Variants in NALCN observed in about 807,000 individuals in gnomAD.
NALCN encodes sodium leak channel, non-selective, also known as sodium leak channel NALCN.
In NALCN, 111 loss-of-function variants were observed where a neutral mutation model predicts 225.3. The ratio of observed to expected loss-of-function variants is 0.49; its 90% CI spans 0.42 to 0.58. The LOEUF (loss-of-function observed/expected upper bound fraction) is 0.58. Ranked by LOEUF, NALCN falls within the 20% of genes least tolerant of loss-of-function variation. The probability of loss-of-function intolerance (pLI) is 0.00; values close to 1 mark genes in which losing one functional copy is unlikely to be tolerated. For synonymous variants in NALCN, 764 were observed against 769.0 expected, an observed-to-expected ratio of 0.99 and a Z score of 0.11; for missense variants, 1,378 against 2,202.4, an observed-to-expected ratio of 0.63 and a Z score of 7.49.
intron 11 of NALCN, among the ~76,000 whole-genome samples, chr13:101,244,330 A>T (rs977413476): frequency 8.5e-5 from 13 of 152,210 alleles, no homozygotes; most frequent in African/African-American, 3.1e-4. Flanking sequence ...GATGGAATGA[A>T]CTGTTTAAAT....
chr13:101,245,511 A>G (rs2041868285), intron 11 of NALCN, among the ~76,000 whole-genome samples: 2 of 151,994 alleles, frequency 1.3e-5, no homozygotes, highest in African/African-American at 4.8e-5. Flanking sequence ...TACATACTCT[A>G]CTTTGGTTAT....
At chr13:101,338,666 C>T (rs934397390) in intron 7 of NALCN, among the ~76,000 whole-genome samples, 9 of 152,180 alleles carry the variant, frequency 5.9e-5, no homozygotes, top group African/African-American at 1.7e-4. Flanking sequence ...TTTTGTGTTG[C>T]TTTCTTTCTA....
intron 6 of NALCN, among the ~76,000 whole-genome samples, chr13:101,360,145 TTTTTTTC>T (rs2046198233): frequency 6.8e-6 from 1 of 148,056 alleles, no homozygotes; most frequent in African/African-American, 2.6e-5. Flanking sequence ...TCTTTCTCTC[TTTTTTTC>T]TTTCTTTCTT....
At chr13:101,346,670 G>T (rs979402436) in intron 6 of NALCN, among the ~76,000 whole-genome samples, 2 of 152,064 alleles carry the variant, frequency 1.3e-5, no homozygotes. Flanking sequence ...TTAAGAATAG[G>T]TTGGATATCA....
chr13:101,192,155 A>G, intron 13 of NALCN, 101 bp from the exon 14 acceptor site: 1 of 1,344,278 alleles, frequency 7.4e-7, no homozygotes, highest in South Asian at 1.4e-5. Context: ...AATATTATTG[A>G]TTTTTATCTG....
At chr13:101,128,018 C>A (rs2036324297) in intron 17 of NALCN, among the ~76,000 whole-genome samples, 1 of 152,100 alleles carries the variant, frequency 6.6e-6, no homozygotes, top group South Asian at 2.1e-4. Context: ...AGATCCATTT[C>A]ATGATGAGTA....
intron 3 of NALCN, among the ~76,000 whole-genome samples, chr13:101,390,657 C>T (rs1258335174): frequency 6.6e-6 from 1 of 151,622 alleles, no homozygotes; most frequent in Non-Finnish European, 1.5e-5. Context: ...AAAGAGCAAG[C>T]CACTTCGAGG....
At chr13:101,252,589 A>G (rs2042094804) in intron 11 of NALCN, among the ~76,000 whole-genome samples, 1 of 152,082 alleles carries the variant, frequency 6.6e-6, no homozygotes, top group African/African-American at 2.4e-5. Context: ...GGAGGGATAG[A>G]CAGAGTTGAG....
rs907606351 is a variant in NALCN at position 101,053,855 on chromosome 13, C to G, written c.*1440G>C. 2 of 152,106 alleles carry G rather than the reference C, an allele frequency of 1.3e-5. No individual in the cohort carries two copies. Among genetic ancestry groups the G allele is most frequent in the East Asian group, 1.9e-4 (1 of 5,196 alleles). 9.4% of individuals were successfully genotyped at this position (152,106 alleles called of 1,614,324 possible). On this transcript the variant is annotated 3_prime_UTR_variant, in exon 44 of 44. Coordinates refer to ENST00000251127, the MANE Select transcript of NALCN (RefSeq NM_052867.4). ...AAGTGAACATCAAATCAAATCTAAT[C>G]CTTTTGGCCACATGACTGGTTGTTC... is the stretch of plus-strand genomic sequence containing the variant.
intron 7 of NALCN, among the ~76,000 whole-genome samples, chr13:101,336,272 C>T (rs974483101): frequency 5.9e-5 from 9 of 152,272 alleles, no homozygotes; most frequent in South Asian, 2.1e-4. Flanking sequence ...ATGACCCACA[C>T]AGGGAGCTGA....
At chr13:101,346,087 C>CTCTCTCTCTCTATA in intron 6 of NALCN, among the ~76,000 whole-genome samples, 79 of 70,946 alleles carry the variant, frequency 1.1e-3, no homozygotes, top group East Asian at 2.5e-3. Context: ...CTCTCTCTCT[C>CTCTCTCTCTCTATA]TATATATATA....
intron 6 of NALCN, among the ~76,000 whole-genome samples, chr13:101,361,559 C>T (rs952418838): frequency 6.6e-6 from 1 of 152,176 alleles, no homozygotes; most frequent in Non-Finnish European, 1.5e-5. Flanking sequence ...CAACTGAAAG[C>T]ATAGAAAGCA....
chr13:101,257,209 G>GTTTTTTTTTTTTTTTTTTTTTTTTTTTTT, intron 11 of NALCN, among the ~76,000 whole-genome samples: 1 of 121,118 alleles, frequency 8.3e-6, no homozygotes, highest in Non-Finnish European at 1.7e-5. Flanking sequence ...ATTGTTTATT[G>GTTTTTTTTTTTTTTTTTTTTTTTTTTTTT]TTTTTTTTTT....
intron 15 of NALCN, among the ~76,000 whole-genome samples, chr13:101,155,614 G>A (rs1328407851): frequency 6.6e-6 from 1 of 152,122 alleles, no homozygotes; most frequent in Non-Finnish European, 1.5e-5. Flanking sequence ...CCAGGTTTCT[G>A]CATTATAAAG....
At chr13:101,143,350 G>A in intron 16 of NALCN, 129 bp from the exon 17 acceptor site, 1 of 885,306 alleles carries the variant, frequency 1.1e-6, no homozygotes, top group Non-Finnish European at 1.6e-6. Context: ...ACTAGATCAT[G>A]ACTAAAATAT....
At position 101,053,820 on chromosome 13, in the gene NALCN, A is replaced by G. The variant is rs151119409; in HGVS notation, c.*1475T>C. On this transcript the variant is annotated 3_prime_UTR_variant, in exon 44 of 44. Coordinates refer to ENST00000251127, the MANE Select transcript of NALCN (RefSeq NM_052867.4). ...TTTATTTTATCTTGTATGTACAAAA[A>G]GTAAACTCCAAGTGAACATCAAATC... 8 of 152,342 alleles carry G rather than the reference A, an allele frequency of 5.3e-5. No homozygotes were observed. The East Asian group carries it at 1.5e-3, about 29-fold the overall frequency. 9.4% of individuals were successfully genotyped at this position (152,342 alleles called of 1,614,324 possible).
At position 101,395,208 on chromosome 13, in the gene NALCN, T is replaced by A; in HGVS notation, c.266A>T (p.Lys89Ile). 1 of 1,613,650 alleles carries A rather than the reference T, an allele frequency of 6.2e-7. No homozygotes were observed. Among genetic ancestry groups the A allele is most frequent in the Non-Finnish European group, 8.5e-7 (1 of 1,179,790 alleles). The change falls in exon 3 of 44, where the codon AAA becomes ATA. Residue 89 changes from lysine (K) to isoleucine (I), a missense_variant. Coordinates refer to ENST00000251127, the MANE Select transcript of NALCN (RefSeq NM_052867.4). ...CTTGACAATGCCCCGGATGTGCATT[T>A]TTGCTATCATCTCTGCCGTGTAGAG... ...MFLYTAEMIA[K>I]MHIRGIVKGD...
At chr13:101,324,567 T>C (rs1336769399) in intron 7 of NALCN, among the ~76,000 whole-genome samples, 1 of 152,194 alleles carries the variant, frequency 6.6e-6, no homozygotes, top group East Asian at 1.9e-4. Context: ...CACTCATGAT[T>C]TGGCTCTCTG....
intron 6 of NALCN, among the ~76,000 whole-genome samples, chr13:101,359,559 C>G (rs185935276): frequency 1.3e-5 from 2 of 152,350 alleles, no homozygotes; most frequent in Admixed American, 1.3e-4. Context: ...AAAGAGCTCT[C>G]TGACAGACTG....
Sources: gnomAD v4.1 joint callset for allele counts (sites outside exome capture counted in the v4.1 genomes callset) on GRCh38, gnomAD v4.1.1 for gene constraint, MANE v1.5 for transcripts, NCBI Gene and HGNC (gene_info 2026-07-23, HGNC 2026-07-21) for gene names.